KCTD15: variants seen among roughly 807,000 people sequenced by gnomAD.
The protein encoded by KCTD15 is potassium channel tetramerization domain containing 15.
Under a neutral mutation model 27.2 loss-of-function variants are expected in KCTD15, and 11 were observed. That is an observed-to-expected ratio of 0.41 (90% CI 0.25 to 0.67). The LOEUF (loss-of-function observed/expected upper bound fraction) is 0.67. KCTD15 is among the 30% of genes least tolerant of loss of function. The pLI, the probability that KCTD15 is intolerant of heterozygous loss-of-function variation, is 0.35. For synonymous variants in KCTD15, 163 were observed against 176.0 expected, an observed-to-expected ratio of 0.93 and a Z score of 0.58; for missense variants, 350 against 409.3, an observed-to-expected ratio of 0.86 and a Z score of 1.25.
In KCTD15 at chr19:33,807,875, G is replaced by A. The variant is rs900584919; in HGVS notation, c.387+868G>A. Reference sequence around the variant, plus strand: ...GAATCTCTTGAACCCAGGAGGTGGAGGCGGAGGTTGCAGTGAGCCGAGATC... The same window carrying A: ...GAATCTCTTGAACCCAGGAGGTGGAAGCGGAGGTTGCAGTGAGCCGAGATC... On this transcript the variant is annotated intron_variant, in intron 5 of 6. Coordinates refer to ENST00000683859, the MANE Select transcript of KCTD15 (RefSeq NM_001129994.2). 3.3e-5 allele frequency among the ~76,000 whole-genome samples: 5 copies of A among 152,188 alleles called. No individual in the cohort carries two copies. In the East Asian group the frequency reaches 7.7e-4, roughly 24 times the overall value.
chr19:33,806,360 C>A (rs1049335565), intron 4 of KCTD15, among the ~76,000 whole-genome samples: 2 of 152,204 alleles, frequency 1.3e-5, no homozygotes, highest in African/African-American at 4.8e-5. Context: ...GCCTGTTGCA[C>A]AGGCCTGTGT....
intron 4 of KCTD15, among the ~76,000 whole-genome samples, chr19:33,804,001 C>T (rs1396984626): frequency 6.6e-6 from 1 of 152,038 alleles, no homozygotes; most frequent in African/African-American, 2.4e-5. Flanking sequence ...ACTTCGGAAG[C>T]CGGCCCCTCA....
In KCTD15 at chr19:33,806,884, C is replaced by T. The variant is rs1175902729; in HGVS notation, c.264C>T (p.Gly88=). Reference sequence around the variant, plus strand: ...CCAGGATAAGCCGCCTCTTCAATGGCACTGAACCCATCGTCCTGGACAGTT... The same window carrying T: ...CCAGGATAAGCCGCCTCTTCAATGGTACTGAACCCATCGTCCTGGACAGTT... ...PDSRISRLFN[G]TEPIVLDSLK... The change falls in exon 5 of 7, where the codon GGC becomes GGT. Residue 88 remains glycine (G), a synonymous_variant. Transcript: ENST00000683859. The T allele has an allele frequency of 6.2e-7, 1 of 1,614,020 alleles. No individual in the cohort carries two copies. The highest frequency in any genetic ancestry group is 1.7e-5 in the Admixed American group (1 of 60,002).
intron 6 of KCTD15, 110 bp downstream of exon 6, chr19:33,811,662 C>G (rs781595677): frequency 6.6e-6 from 10 of 1,504,396 alleles, no homozygotes; most frequent in Non-Finnish European, 3.6e-6. Flanking sequence ...TGAAGCCCCC[C>G]GTGCCATCCT....
intron 3 of KCTD15, 97 bp downstream of exon 3, chr19:33,800,617 C>A: frequency 9.0e-7 from 1 of 1,107,126 alleles, no homozygotes; most frequent in Non-Finnish European, 1.3e-6. Context: ...GGGACCATGA[C>A]ACTCCAGGTG....
chr19:33,796,257 C>G (rs1043635928), upstream of KCTD15, among the ~76,000 whole-genome samples: 1 of 150,150 alleles, frequency 6.7e-6, no homozygotes, highest in Non-Finnish European at 1.5e-5. Context: ...CCGGGCGCCG[C>G]GTGGCCGGCC....
At chr19:33,801,492 G>C in intron 4 of KCTD15, 150 bp downstream of exon 4, 1 of 639,982 alleles carries the variant, frequency 1.6e-6, no homozygotes, top group Non-Finnish European at 2.6e-6. Context: ...GGGAGCTAGG[G>C]TTGGGGAGTC....
chr19:33,795,327 C>G (rs1260040634), upstream of KCTD15, among the ~76,000 whole-genome samples: 1 of 152,212 alleles, frequency 6.6e-6, no homozygotes, highest in East Asian at 1.9e-4. Context: ...TCTGGACGCT[C>G]TCTCCACGCG....
In KCTD15 at chr19:33,810,263, G is replaced by A. The variant is rs533537049; in HGVS notation, c.388-984G>A. On this transcript the variant is annotated intron_variant, in intron 5 of 6. Coordinates refer to ENST00000683859, the MANE Select transcript of KCTD15 (RefSeq NM_001129994.2). ...GCCCAGAAGGGGGCTGCGTGGCAGG[G>A]GGCGGGCTTCCCCTCCCTGGACACT... is the stretch of plus-strand genomic sequence containing the variant. Among the ~76,000 whole-genome samples the A allele has an allele frequency of 1.8e-3, 280 of 152,350 alleles. 2 individuals carry two copies. Among genetic ancestry groups the A allele is most frequent in the Middle Eastern group, 6.8e-3 (2 of 294 alleles).
intron 5 of KCTD15, among the ~76,000 whole-genome samples, chr19:33,807,737 G>A (rs572107583): frequency 1.3e-5 from 2 of 152,042 alleles, no homozygotes; most frequent in African/African-American, 2.4e-5. Flanking sequence ...AGAAAGAAAA[G>A]GACGGCTGTA....
In KCTD15 at chr19:33,811,402, C is replaced by T. The variant is rs566584439; in HGVS notation, c.543C>T (p.Ile181=). 3.7e-6 allele frequency: 6 copies of T among 1,608,420 alleles called. No individual in the cohort carries two copies. The highest frequency in any genetic ancestry group is 2.2e-5 in the East Asian group (1 of 44,458). The change falls in exon 6 of 7, where the codon ATC becomes ATT. Residue 181 remains isoleucine, a synonymous_variant. Coordinates refer to ENST00000683859, the MANE Select transcript of KCTD15 (RefSeq NM_001129994.2). ...VRVTPDLGER[I]ALSGEKALIE... ...TCACGCCCGACTTGGGCGAGCGGATCGCACTCAGCGGCGAGAAGGCCCTCA... is the reference window on the plus strand; with the variant it reads ...TCACGCCCGACTTGGGCGAGCGGATTGCACTCAGCGGCGAGAAGGCCCTCA...
chr19:33,812,526 A>AG lies in KCTD15; in HGVS notation c.694-261dup, dbSNP rs536764946. 286 of 1,244,448 alleles carry AG rather than the reference A, an allele frequency of 2.3e-4. No homozygotes were observed. The African/African-American group carries it at 3.9e-3, about 17-fold the overall frequency. 77.1% of individuals were successfully genotyped at this position (1,244,448 alleles called of 1,614,324 possible). A position where few individuals can be genotyped will look rare whatever the true frequency, so the allele number is the denominator to read the frequency against. ...TTTGCCTCCCGGAATCAAGGCCCTG[A>AG]GGGCAGCAGGATGGTGGCCTGGGTG... On this transcript the variant is annotated intron_variant, in intron 6 of 6. Transcript: ENST00000683859.
At chr19:33,810,801 GAGA>G (rs905160587) in intron 5 of KCTD15, among the ~76,000 whole-genome samples, 8 of 149,980 alleles carry the variant, frequency 5.3e-5, no homozygotes, top group South Asian at 2.1e-4. Flanking sequence ...GGCTTGGCTG[GAGA>G]AGAACTTTTT....
intron 2 of KCTD15, among the ~76,000 whole-genome samples, chr19:33,800,021 C>T (rs1975475057): frequency 6.6e-6 from 1 of 152,110 alleles, no homozygotes; most frequent in African/African-American, 2.4e-5. Context: ...GAGCCTTGGT[C>T]CACAAGGCTG....
rs1001882831 is a variant in KCTD15, at chr19:33,798,725, T to C, written c.-69T>C. 3 of 152,616 alleles carry C rather than the reference T, an allele frequency of 2.0e-5. No homozygotes were observed. The highest frequency in any genetic ancestry group is 4.4e-5 in the Non-Finnish European group (3 of 68,042). The allele number at this position is 152,616 out of a possible 1,614,324, so 9.5% of individuals were successfully genotyped here. On this transcript the variant is annotated 5_prime_UTR_variant, in exon 2 of 7. Coordinates refer to ENST00000683859, the MANE Select transcript of KCTD15 (RefSeq NM_001129994.2). ...ACGGATGCGCTTGTTGGGAGAAACC[T>C]TGGAGATTCACGGCAAGGCGTAAAG... is the stretch of plus-strand genomic sequence containing the variant.
At chr19:33,803,448 G>A (rs961471075) in intron 4 of KCTD15, among the ~76,000 whole-genome samples, 3 of 152,198 alleles carry the variant, frequency 2.0e-5, no homozygotes, top group African/African-American at 4.8e-5. Context: ...TCCTCAGGGG[G>A]TTTCTGGATG....
At chr19:33,812,117 C>A in intron 6 of KCTD15, 1 of 1,288,636 alleles carries the variant, frequency 7.8e-7, no homozygotes, top group East Asian at 3.3e-5. Flanking sequence ...ATGGGCTTTG[C>A]AGGGAAGAGG....
Position 33,811,995 on chromosome 19 carries a change from C to G in KCTD15, c.693+443C>G, listed in dbSNP as rs991761904. 11 of 1,470,790 alleles carry G rather than the reference C, an allele frequency of 7.5e-6. No individual in the cohort carries two copies. In the Admixed American group the frequency reaches 8.2e-5, roughly 11 times the overall value. The allele number at this position is 1,470,790 out of a possible 1,614,324, so 91.1% of individuals were successfully genotyped here. A position where few individuals can be genotyped will look rare whatever the true frequency, so the allele number is the denominator to read the frequency against. On this transcript the variant is annotated intron_variant, in intron 6 of 6. Coordinates refer to ENST00000683859, the MANE Select transcript of KCTD15 (RefSeq NM_001129994.2). ...CCAGCTGCCAAGAGAATCCCTGGAC[C>G]GGCTCTTCCTGGATGGGTCCAAGAA...
rs1975544300 is a variant in KCTD15 at position 33,801,493 on chromosome 19, T to C, written c.242+151T>C. 5.5e-5 allele frequency: 35 copies of C among 634,798 alleles called. No individual in the cohort carries two copies. In the South Asian group the frequency reaches 7.6e-4, roughly 14 times the overall value. 39.3% of individuals were successfully genotyped at this position (634,798 alleles called of 1,614,324 possible). On this transcript the variant is annotated intron_variant, in intron 4 of 6. Transcript: ENST00000683859. ...CTGACACAGCCTGAGGGAGCTAGGG[T>C]TGGGGAGTCCAAGTCTGCCTGTTGA...
Sources: gnomAD v4.1 joint callset for allele counts (sites outside exome capture counted in the v4.1 genomes callset) on GRCh38, gnomAD v4.1.1 for gene constraint, MANE v1.5 for transcripts, NCBI Gene and HGNC (gene_info 2026-07-23, HGNC 2026-07-21) for gene names.